Variants in THSD4 observed in about 807,000 individuals in gnomAD.
THSD4 encodes the protein thrombospondin type-1 domain-containing protein 4.
Under a neutral mutation model 119.0 loss-of-function variants are expected in THSD4, and 69 were observed. That is an observed-to-expected ratio of 0.58 (90% CI 0.48 to 0.71). The LOEUF is 0.71. THSD4 is among the 30% of genes least tolerant of loss of function. THSD4 has a pLI of 0.00. For synonymous variants in THSD4, 524 were observed against 540.4 expected, an observed-to-expected ratio of 0.97 and a Z score of 0.42; for missense variants, 1,393 against 1,391.1, an observed-to-expected ratio of 1.00 and a Z score of -0.02.
chr15:71,162,984 T>G (rs1162053935), intron 3 of THSD4, among the ~76,000 whole-genome samples: 3 of 152,008 alleles, frequency 2.0e-5, no homozygotes, highest in Non-Finnish European at 2.9e-5. Flanking sequence ...TGGTTCTTTT[T>G]TGTATATCTG....
chr15:71,137,803 T>A lies in THSD4; in HGVS notation c.-79-3646T>A, dbSNP rs1053395353. Among the ~76,000 whole-genome samples the A allele has an allele frequency of 7.2e-5, 11 of 152,220 alleles. 1 individual carries two copies. In the South Asian group the frequency reaches 2.1e-3, roughly 29 times the overall value. On this transcript the variant is annotated intron_variant, in intron 1 of 17. Transcript: ENST00000261862. ...TACTAGAGCAGTGGCCTCCAATAAT[T>A]TTTTTTGATTGCACTGATTGTAACA...
intron 3 of THSD4, among the ~76,000 whole-genome samples, chr15:71,188,600 A>G (rs1399909804): frequency 6.6e-6 from 1 of 152,132 alleles, no homozygotes; most frequent in African/African-American, 2.4e-5. Context: ...CCAAACCATC[A>G]CACCATGCTG....
intron 7 of THSD4, among the ~76,000 whole-genome samples, chr15:71,454,459 G>C (rs2047309547): frequency 6.6e-6 from 1 of 152,248 alleles, no homozygotes; most frequent in East Asian, 1.9e-4. Context: ...CAAAGAAAGA[G>C]GTGGCCTGGC....
At chr15:71,450,199 G>A (rs2047242614) in intron 7 of THSD4, among the ~76,000 whole-genome samples, 1 of 152,340 alleles carries the variant, frequency 6.6e-6, no homozygotes, top group Non-Finnish European at 1.5e-5. Context: ...TGTAGTTAGT[G>A]AATTGGGTGG....
chr15:71,425,825 A>C (rs997744224), intron 7 of THSD4, among the ~76,000 whole-genome samples: 3 of 152,226 alleles, frequency 2.0e-5, no homozygotes, highest in Non-Finnish European at 4.4e-5. Context: ...GACCTGGGAT[A>C]GGCAGTTGAG....
chr15:71,723,844 G>T (rs1399451086), intron 8 of THSD4, among the ~76,000 whole-genome samples: 2 of 152,024 alleles, frequency 1.3e-5, no homozygotes, highest in Admixed American at 1.3e-4. Context: ...AAGGCAGGAG[G>T]ATCGCTTGAG....
intron 6 of THSD4, among the ~76,000 whole-genome samples, chr15:71,393,281 G>C (rs1028819435): frequency 1.3e-5 from 2 of 151,788 alleles, no homozygotes; most frequent in Admixed American, 1.3e-4. Context: ...CTACAGAGAG[G>C]GCCTGAAATA....
At chr15:71,280,702 C>G (rs2044641277) in intron 6 of THSD4, among the ~76,000 whole-genome samples, 1 of 151,992 alleles carries the variant, frequency 6.6e-6, no homozygotes, top group South Asian at 2.1e-4. Flanking sequence ...CAGTCCCTCC[C>G]TCACTCTTTG....
At chr15:71,284,850 A>G (rs76026063) in intron 6 of THSD4, among the ~76,000 whole-genome samples, 804 of 152,298 alleles carry the variant, frequency 5.3e-3, no homozygotes, top group Non-Finnish European at 8.7e-3. Context: ...ATTCAACAGT[A>G]AGTTTAAGAA....
At chr15:71,244,070 C>A (rs1325039620) in intron 5 of THSD4, among the ~76,000 whole-genome samples, 5 of 149,412 alleles carry the variant, frequency 3.3e-5, no homozygotes, top group Admixed American at 3.3e-4. Flanking sequence ...CAAGTGTGAG[C>A]CACCGCACCT....
At chr15:71,266,672 G>T (rs921480474) in intron 6 of THSD4, among the ~76,000 whole-genome samples, 3 of 151,876 alleles carry the variant, frequency 2.0e-5, no homozygotes, top group African/African-American at 7.3e-5. Flanking sequence ...CCAAGCTAAA[G>T]GAGCATGTTC....
At chr15:71,214,496 A>C (rs889987801) in intron 3 of THSD4, among the ~76,000 whole-genome samples, 2 of 152,226 alleles carry the variant, frequency 1.3e-5, no homozygotes, top group Non-Finnish European at 2.9e-5. Context: ...TTTAAGAGCT[A>C]TAACGCTCAC....
intron 16 of THSD4, among the ~76,000 whole-genome samples, chr15:71,768,661 T>G (rs1355182810): frequency 1.4e-5 from 2 of 147,074 alleles, no homozygotes; most frequent in Admixed American, 7.1e-5. Context: ...GCCTCCCAGG[T>G]TCACGCCATT....
At chr15:71,116,566 T>C (rs2040364625) in intron 1 of THSD4, among the ~76,000 whole-genome samples, 1 of 152,196 alleles carries the variant, frequency 6.6e-6, no homozygotes, top group Admixed American at 6.5e-5. Context: ...TCTCTTCCTG[T>C]CTCCTTTGCG....
At chr15:71,124,037 C>T (rs531760218) in intron 1 of THSD4, among the ~76,000 whole-genome samples, 2 of 152,268 alleles carry the variant, frequency 1.3e-5, no homozygotes, top group South Asian at 2.1e-4. Context: ...AGCTGGTGGT[C>T]GTGGTTGTTG....
At chr15:71,265,743 G>C (rs116344592) in intron 6 of THSD4, among the ~76,000 whole-genome samples, 1 of 152,166 alleles carries the variant, frequency 6.6e-6, no homozygotes, top group African/African-American at 2.4e-5. Context: ...GTCTGAAGTC[G>C]ACCTTAGACG....
At chr15:71,560,456 TTACTC>T (rs2049095048) in intron 7 of THSD4, among the ~76,000 whole-genome samples, 1 of 152,170 alleles carries the variant, frequency 6.6e-6, no homozygotes, top group Admixed American at 6.5e-5. Flanking sequence ...AAGATATAAA[TTACTC>T]TAATAAACAT....
chr15:71,099,366 A>G (rs528629617), intron 1 of THSD4, among the ~76,000 whole-genome samples: 1 of 152,140 alleles, frequency 6.6e-6, no homozygotes, highest in African/African-American at 2.4e-5. Flanking sequence ...CTGAGGGGAG[A>G]GCTTTGATGT....
chr15:71,711,305 C>T (rs2052511516), intron 8 of THSD4, among the ~76,000 whole-genome samples: 1 of 151,872 alleles, frequency 6.6e-6, no homozygotes, highest in African/African-American at 2.4e-5. Flanking sequence ...TCCTAGCCTC[C>T]ACACATGCAG....
Sources: gnomAD v4.1 joint callset for allele counts (sites outside exome capture counted in the v4.1 genomes callset) on GRCh38, gnomAD v4.1.1 for gene constraint, MANE v1.5 for transcripts, NCBI Gene and HGNC (gene_info 2026-07-23, HGNC 2026-07-21) for gene names.